The following RBFOX3 variants were observed in gnomAD, a reference collection of about 807,000 sequenced individuals.
RBFOX3 encodes RNA binding protein fox-1 homolog 3.
In RBFOX3, 17 loss-of-function variants were observed where a neutral mutation model predicts 48.7. The observed-to-expected ratio is 0.35, with a 90% confidence interval of 0.24 to 0.52. The LOEUF is 0.52. Among genes scored for constraint, RBFOX3 ranks in the 20% least tolerant of loss-of-function variants. RBFOX3 has a pLI of 0.94. For synonymous variants in RBFOX3, 212 were observed against 209.5 expected (o/e 1.01, Z -0.10); for missense variants, 382 against 497.5 (o/e 0.77, Z 2.21).
intron 2 of RBFOX3, among the ~76,000 whole-genome samples, chr17:79,398,927 T>C (rs936586475): frequency 3.9e-5 from 6 of 152,162 alleles, no homozygotes; most frequent in African/African-American, 1.4e-4. Context: ...CCTTCGCCGA[T>C]GTAATCAGGT....
At chr17:79,574,893 T>C (rs36141132) in intron 1 of RBFOX3, among the ~76,000 whole-genome samples, 11,486 of 152,220 alleles carry the variant, frequency 0.075, 691 homozygotes, top group African/African-American at 0.15. Context: ...GGGGATCTCA[T>C]TGAAGGGCAG....
intron 1 of RBFOX3, among the ~76,000 whole-genome samples, chr17:79,526,143 G>C (rs899998085): frequency 6.3e-4 from 96 of 152,344 alleles, no homozygotes; most frequent in African/African-American, 2.3e-3. Flanking sequence ...AACACTGCCA[G>C]TCACAATCCC....
chr17:79,132,541 C>G (rs1310192159), intron 4 of RBFOX3, among the ~76,000 whole-genome samples: 1 of 152,188 alleles, frequency 6.6e-6, no homozygotes, highest in African/African-American at 2.4e-5. Context: ...GCTGGTCTGA[C>G]GGGTGAGATT....
At chr17:79,120,318 A>G (rs1269510749) in intron 4 of RBFOX3, among the ~76,000 whole-genome samples, 2 of 152,052 alleles carry the variant, frequency 1.3e-5, no homozygotes, top group African/African-American at 2.4e-5. Flanking sequence ...GTATGTATGC[A>G]TGGATGGATG....
chr17:79,465,546 C>T (rs2076195972), intron 2 of RBFOX3, among the ~76,000 whole-genome samples: 1 of 151,740 alleles, frequency 6.6e-6, no homozygotes, highest in South Asian at 2.1e-4. Flanking sequence ...CAGGACAGCA[C>T]CTACCCACAT....
At chr17:79,196,306 G>A (rs28697959) in intron 4 of RBFOX3, among the ~76,000 whole-genome samples, 10,266 of 152,072 alleles carry the variant, frequency 0.068, 404 homozygotes, top group East Asian at 0.17. Context: ...GCAGAAAGTG[G>A]GGCCCGCTCC....
chr17:79,341,749 C>G (rs550064939), intron 2 of RBFOX3, among the ~76,000 whole-genome samples: 5 of 152,284 alleles, frequency 3.3e-5, no homozygotes, highest in Non-Finnish European at 7.4e-5. Context: ...GCTCCAGGCT[C>G]CCTGCATAAC....
At chr17:79,432,205 GA>G (rs1555728777) in intron 2 of RBFOX3, among the ~76,000 whole-genome samples, 1 of 152,238 alleles carries the variant, frequency 6.6e-6, no homozygotes, top group African/African-American at 2.4e-5. Context: ...TCTGTGGCTG[GA>G]CGCTTGGGTT....
At chr17:79,273,043 G>GGGTAGCAC in intron 3 of RBFOX3, among the ~76,000 whole-genome samples, 1 of 152,258 alleles carries the variant, frequency 6.6e-6, no homozygotes, top group South Asian at 2.1e-4. Flanking sequence ...TGCCTCCCAG[G>GGGTAGCAC]GGTAGCACTG....
intron 1 of RBFOX3, among the ~76,000 whole-genome samples, chr17:79,558,461 G>T (rs1171505003): frequency 6.6e-6 from 1 of 152,064 alleles, no homozygotes; most frequent in Non-Finnish European, 1.5e-5. Flanking sequence ...AGGGCCCCAG[G>T]GTGCTGGCGG....
At position 79,388,136 on chromosome 17, in the gene RBFOX3, ATGTGTGTGCATG is replaced by A. The variant is rs372614219; in HGVS notation, c.-174-80324_-174-80313del. Among the ~76,000 whole-genome samples the A allele has an allele frequency of 4.0e-3, 609 of 151,970 alleles. 4 individuals are homozygous for A. Among genetic ancestry groups the A allele is most frequent in the African/African-American group, 0.013 (544 of 41,418 alleles). ...TGTGCATGTGTGGTTGTGCATACAA[ATGTGTGTGCATG>A]TGTGTGTGCATGTGTGTTAGCAGCT... On this transcript the variant is annotated intron_variant, in intron 2 of 14. Transcript: ENST00000693108.
intron 1 of RBFOX3, among the ~76,000 whole-genome samples, chr17:79,525,229 AC>A (rs1367435761): frequency 1.3e-5 from 2 of 152,062 alleles, no homozygotes; most frequent in African/African-American, 2.4e-5. Flanking sequence ...CACCAGGAGC[AC>A]CCCACCTCCA....
At chr17:79,281,727 T>G (rs1459634445) in intron 3 of RBFOX3, among the ~76,000 whole-genome samples, 1 of 152,256 alleles carries the variant, frequency 6.6e-6, no homozygotes, top group Non-Finnish European at 1.5e-5. Context: ...TGCATTTAAC[T>G]GCCTTCCTCA....
intron 2 of RBFOX3, among the ~76,000 whole-genome samples, chr17:79,318,739 C>T (rs908157580): frequency 2.1e-4 from 32 of 150,948 alleles, no homozygotes; most frequent in African/African-American, 3.2e-4. Flanking sequence ...CCTGCAGTCC[C>T]GGCTACTTGG....
At chr17:79,658,158 C>T in the RBFOX3 span, among the ~76,000 whole-genome samples, 5 of 152,196 alleles carry the variant, frequency 3.3e-5, 1 homozygote, top group South Asian at 8.3e-4. Context: ...ACTTGCAGTG[C>T]CCATAAAAGA....
At chr17:79,395,458 C>A (rs535342731) in intron 2 of RBFOX3, among the ~76,000 whole-genome samples, 2 of 152,346 alleles carry the variant, frequency 1.3e-5, no homozygotes, top group Admixed American at 1.3e-4. Flanking sequence ...TCCATTTGTA[C>A]AGGTGACCCT....
At chr17:79,412,543 G>A (rs1422738436) in intron 2 of RBFOX3, among the ~76,000 whole-genome samples, 1 of 151,298 alleles carries the variant, frequency 6.6e-6, no homozygotes, top group Non-Finnish European at 1.5e-5. Flanking sequence ...TGCATGTGTT[G>A]TATGTGATAT....
Position 79,227,661 on chromosome 17 carries a change from A to G in RBFOX3, c.-34+8105T>C, listed in dbSNP as rs532915650. The stretch of plus-strand genomic sequence containing the variant: ...CTTCCATGGCTTATAACTGGAGCAC[A>G]TGTGATGGCCAAGAGGCAAAAAGCA... On this transcript the variant is annotated intron_variant, in intron 4 of 14. Transcript: ENST00000693108. Among the ~76,000 whole-genome samples the G allele has an allele frequency of 3.9e-5, 6 of 152,294 alleles. No individual in the cohort carries two copies. In the South Asian group the frequency reaches 6.2e-4, roughly 16 times the overall value.
chr17:79,394,671 A>G (rs1480131698), intron 2 of RBFOX3, among the ~76,000 whole-genome samples: 1 of 152,220 alleles, frequency 6.6e-6, no homozygotes, highest in Admixed American at 6.5e-5. Flanking sequence ...GTCTTGTCTG[A>G]AGCCTTGGAC....
Sources: allele counts gnomAD v4.1 joint callset (sites outside exome capture counted in the v4.1 genomes callset), GRCh38; gene constraint gnomAD v4.1.1; transcripts MANE v1.5; gene names NCBI Gene and HGNC (gene_info 2026-07-23, HGNC 2026-07-21).